Variants in GPATCH2 observed in about 807,000 individuals in gnomAD.
GPATCH2 encodes the protein G-patch domain containing 2.
In GPATCH2, 51 loss-of-function variants were observed where a neutral mutation model predicts 58.0. That is an observed-to-expected ratio of 0.88 (90% confidence interval 0.70 to 1.11). GPATCH2 has a LOEUF of 1.11. Among genes scored for constraint, GPATCH2 ranks in the 50% most tolerant of loss-of-function variants. The pLI, the probability that GPATCH2 is intolerant of heterozygous loss-of-function variation, is 0.00. For missense variants in GPATCH2, 625 were observed against 652.2 expected (o/e 0.96, Z 0.45); for synonymous variants, 222 against 218.5 (o/e 1.02, Z -0.14).
intron 8 of GPATCH2, among the ~76,000 whole-genome samples, chr1:217,468,350 T>A (rs1660555586): frequency 6.6e-6 from 1 of 152,080 alleles, no homozygotes; most frequent in Non-Finnish European, 1.5e-5. Flanking sequence ...GAATCTCTAA[T>A]CAGTTCTCTA....
chr1:217,448,278 C>G (rs1387367968), intron 9 of GPATCH2, among the ~76,000 whole-genome samples: 3 of 151,982 alleles, frequency 2.0e-5, no homozygotes, highest in Non-Finnish European at 4.4e-5. Context: ...AATCACTTTT[C>G]CTATAAAGGC....
At chr1:217,580,491 A>G (rs189534303) in intron 5 of GPATCH2, among the ~76,000 whole-genome samples, 31 of 152,350 alleles carry the variant, frequency 2.0e-4, no homozygotes, top group African/African-American at 7.0e-4. Context: ...ACTAAAGTAT[A>G]TATGATTATG....
chr1:217,612,081 G>C (rs904977209), intron 3 of GPATCH2, among the ~76,000 whole-genome samples: 5 of 152,078 alleles, frequency 3.3e-5, no homozygotes, highest in Non-Finnish European at 7.4e-5. Flanking sequence ...TCGGGAGTCT[G>C]AGGCAGGAGG....
chr1:217,489,887 C>T (rs144178176), intron 8 of GPATCH2, among the ~76,000 whole-genome samples: 169 of 152,172 alleles, frequency 1.1e-3, no homozygotes, highest in Non-Finnish European at 7.9e-4. Context: ...TGAGAAACTC[C>T]GTCTCAAATT....
chr1:217,573,614 TA>T (rs1230661694), intron 5 of GPATCH2, among the ~76,000 whole-genome samples: 5 of 152,212 alleles, frequency 3.3e-5, no homozygotes, highest in Non-Finnish European at 7.3e-5. Context: ...AACTGCTTTC[TA>T]AATTTAATTA....
intron 8 of GPATCH2, among the ~76,000 whole-genome samples, chr1:217,457,999 G>A (rs1660022923): frequency 6.6e-6 from 1 of 152,102 alleles, no homozygotes; most frequent in Non-Finnish European, 1.5e-5. Flanking sequence ...AGGCCGAGGC[G>A]GGCGGACCAC....
chr1:217,610,950 A>T lies in GPATCH2; in HGVS notation c.957T>A (p.Asp319Glu), dbSNP rs1358883214. ...DPTELDKNVP[D>E]PVFESILTGS... is the part of the protein sequence containing the mutation. ...CAGTTAAGATACTTTCAAAGACAGGATCTGGTACATTTTTGTCTAGCTCAG... is the reference window on the plus strand; with the variant it reads ...CAGTTAAGATACTTTCAAAGACAGGTTCTGGTACATTTTTGTCTAGCTCAG... Residue 319 changes from aspartate (D) to glutamate (E), a missense_variant, in exon 4 of 10, where the codon GAT becomes GAA. Transcript: ENST00000366935. 1 of 1,613,540 alleles carries T rather than the reference A, an allele frequency of 6.2e-7. No individual in the cohort carries two copies. The highest frequency in any genetic ancestry group is 8.5e-7 in the Non-Finnish European group (1 of 1,179,816).
intron 5 of GPATCH2, among the ~76,000 whole-genome samples, chr1:217,599,389 C>T (rs979224006): frequency 6.6e-6 from 1 of 152,036 alleles, no homozygotes; most frequent in Non-Finnish European, 1.5e-5. Context: ...GATACTACAC[C>T]AGGGTAGTGA....
chr1:217,451,790 C>T (rs116158651), intron 8 of GPATCH2, among the ~76,000 whole-genome samples: 1 of 152,154 alleles, frequency 6.6e-6, no homozygotes, highest in African/African-American at 2.4e-5. Context: ...AATCTGAATT[C>T]TGCAGTGCGG....
chr1:217,609,531 A>T, intron 5 of GPATCH2: 19 of 983,054 alleles, frequency 1.9e-5, no homozygotes, highest in Non-Finnish European at 2.3e-5. Context: ...TATACTATAA[A>T]ATACAATGAG....
At chr1:217,458,536 G>A (rs1222530713) in intron 8 of GPATCH2, among the ~76,000 whole-genome samples, 2 of 152,102 alleles carry the variant, frequency 1.3e-5, no homozygotes, top group Non-Finnish European at 2.9e-5. Flanking sequence ...CGATTCGAGA[G>A]ACCTGCTGTT....
At chr1:217,537,385 A>G (rs1184459400) in intron 5 of GPATCH2, among the ~76,000 whole-genome samples, 2 of 152,158 alleles carry the variant, frequency 1.3e-5, no homozygotes, top group Non-Finnish European at 1.5e-5. Flanking sequence ...TGTTTGCTAC[A>G]TTGAAATTAA....
intron 9 of GPATCH2, among the ~76,000 whole-genome samples, chr1:217,444,204 A>G (rs12143185): frequency 0.015 from 2,216 of 152,286 alleles, 19 homozygotes; most frequent in Middle Eastern, 0.054. Context: ...GCCTGTGGGT[A>G]AGTTTTGTTT....
intron 9 of GPATCH2, among the ~76,000 whole-genome samples, chr1:217,442,828 A>G (rs1337206240): frequency 2.0e-5 from 3 of 152,162 alleles, no homozygotes; most frequent in Admixed American, 2.0e-4. Flanking sequence ...TTCTCCATTT[A>G]CATTTATCAT....
At chr1:217,625,969 G>C (rs1488978140) in intron 1 of GPATCH2, among the ~76,000 whole-genome samples, 1 of 152,094 alleles carries the variant, frequency 6.6e-6, no homozygotes, top group African/African-American at 2.4e-5. Flanking sequence ...GGATGACAGA[G>C]AGACTCTGTC....
chr1:217,520,468 A>G (rs1663395153), intron 5 of GPATCH2, among the ~76,000 whole-genome samples: 1 of 152,240 alleles, frequency 6.6e-6, no homozygotes, highest in African/African-American at 2.4e-5. Context: ...ATCTTTAAAA[A>G]TGTCAATATT....
chr1:217,545,943 T>C (rs896971553), intron 5 of GPATCH2, among the ~76,000 whole-genome samples: 1 of 152,212 alleles, frequency 6.6e-6, no homozygotes, highest in Non-Finnish European at 1.5e-5. Flanking sequence ...CTGGGTAAAG[T>C]GTTAGACAAT....
At chr1:217,525,400 A>C (rs60379468) in intron 5 of GPATCH2, among the ~76,000 whole-genome samples, 21 of 152,292 alleles carry the variant, frequency 1.4e-4, no homozygotes, top group South Asian at 4.1e-4. Flanking sequence ...AATCTTTTTT[A>C]TCTCTCTGGA....
intron 5 of GPATCH2, among the ~76,000 whole-genome samples, chr1:217,525,892 C>T (rs1663879499): frequency 1.3e-5 from 2 of 152,098 alleles, no homozygotes; most frequent in African/African-American, 4.8e-5. Context: ...CTTTTAAGTG[C>T]TTGCTTACAA....
Sources: gnomAD v4.1 joint callset for allele counts (sites outside exome capture counted in the v4.1 genomes callset) on GRCh38, gnomAD v4.1.1 for gene constraint, MANE v1.5 for transcripts, NCBI Gene and HGNC (gene_info 2026-07-23, HGNC 2026-07-21) for gene names.